The following PCDHGB7 variants were observed in gnomAD, a reference collection of about 807,000 sequenced individuals.
PCDHGB7 encodes the protein protocadherin gamma-B7.
Under a neutral mutation model 61.4 loss-of-function variants are expected in PCDHGB7, and 37 were observed. The ratio of observed to expected loss-of-function variants is 0.60; its 90% CI spans 0.46 to 0.79. The LOEUF (loss-of-function observed/expected upper bound fraction) is 0.79, where lower values mean the gene tolerates loss of function less well. Among genes scored for constraint, PCDHGB7 ranks in the 30% least tolerant of loss-of-function variants. The probability of loss-of-function intolerance (pLI) is 0.00; values close to 1 mark genes in which losing one functional copy is unlikely to be tolerated. For synonymous variants in PCDHGB7, 464 were observed against 503.5 expected, an observed-to-expected ratio of 0.92 and a Z score of 1.05; for missense variants, 1,166 against 1,202.5, an observed-to-expected ratio of 0.97 and a Z score of 0.45.
Position 141,431,919 on chromosome 5 carries a change from A to C in PCDHGB7, c.2415+11645A>C, listed in dbSNP as rs2097428718. The C allele has an allele frequency of 7.4e-6, 12 of 1,614,040 alleles. No individual in the cohort carries two copies. Among genetic ancestry groups the C allele is most frequent in the Non-Finnish European group, 1.0e-5 (12 of 1,179,980 alleles). On this transcript the variant is annotated intron_variant, in intron 1 of 3. Transcript: ENST00000398594. This position sits in a 1 kb window ranked among gnomAD's most constrained non-coding sequence, Gnocchi z 4.8. ...AACGGACAGGTGATCTGTTTCATCC[A>C]AGGAAATCTGCCCTTTAAATTAGAA... is the stretch of plus-strand genomic sequence containing the variant.
rs756294828 is a variant in PCDHGB7, at chr5:141,417,904, G to A, written c.45G>A (p.Gln15=). 2.5e-6 allele frequency: 4 copies of A among 1,591,934 alleles called. No homozygotes were observed. The South Asian group carries it at 3.4e-5, about 13-fold the overall frequency. The change falls in exon 1 of 4, where the codon CAG becomes CAA. Residue 15 remains glutamine (Q), a synonymous_variant. Transcript: ENST00000398594. ...CAQRRRAGPR[Q]VLFPLLLPLF... Reference sequence around the variant, plus strand: ...AGAGGCGCCGGGCCGGCCCGCGGCAGGTACTATTTCCTTTGCTGCTGCCTT... The same window carrying A: ...AGAGGCGCCGGGCCGGCCCGCGGCAAGTACTATTTCCTTTGCTGCTGCCTT...
intron 2 of PCDHGB7, among the ~76,000 whole-genome samples, chr5:141,496,116 C>G (rs1435887981): frequency 6.6e-6 from 1 of 152,178 alleles, no homozygotes; most frequent in Middle Eastern, 3.4e-3. Flanking sequence ...TCTCTTCCTT[C>G]CCTGCCCCTC....
At chr5:141,434,683 T>A (rs1057301534) in intron 1 of PCDHGB7, among the ~76,000 whole-genome samples, 8 of 152,248 alleles carry the variant, frequency 5.3e-5, no homozygotes, top group Non-Finnish European at 5.9e-5. Flanking sequence ...AATGACTGGC[T>A]TGCTGTTAAT....
chr5:141,425,844 G>C (rs985746948), intron 1 of PCDHGB7, among the ~76,000 whole-genome samples: 1 of 152,104 alleles, frequency 6.6e-6, no homozygotes, highest in Admixed American at 6.6e-5. Flanking sequence ...CTCTTTGCTG[G>C]GTTAATGACT....
At chr5:141,479,486 A>T (rs72790065) in intron 1 of PCDHGB7, 21,264 of 152,292 alleles carry the variant, frequency 0.14, 1,529 homozygotes, top group Admixed American at 0.16. Context: ...GGGCAGGACC[A>T]TCAGGTTGCC....
At chr5:141,500,453 C>G (rs1403599390) in intron 2 of PCDHGB7, among the ~76,000 whole-genome samples, 1 of 152,246 alleles carries the variant, frequency 6.6e-6, no homozygotes, top group African/African-American at 2.4e-5. Flanking sequence ...TCGTGATCCG[C>G]CCGCCTCGGC....
Position 141,424,165 on chromosome 5 carries a change from A to G in PCDHGB7, c.2415+3891A>G, listed in dbSNP as rs1328883463. 2.8e-5 allele frequency: 7 copies of G among 251,918 alleles called. No individual in the cohort carries two copies. The South Asian group carries it at 4.6e-4, about 17-fold the overall frequency. The allele number at this position is 251,918 out of a possible 1,614,324, so 15.6% of individuals were successfully genotyped here. On this transcript the variant is annotated intron_variant, in intron 1 of 3. Transcript: ENST00000398594. Reference sequence around the variant, plus strand: ...CTCCCTCTAGCTCTCCTTCTCATCTATCTATCTATACACATGCACACACAC... The same window carrying G: ...CTCCCTCTAGCTCTCCTTCTCATCTGTCTATCTATACACATGCACACACAC...
Position 141,476,757 on chromosome 5 carries a change from T to C in PCDHGB7, c.2416-18050T>C. On this transcript the variant is annotated intron_variant, in intron 1 of 3. Coordinates refer to ENST00000398594, the MANE Select transcript of PCDHGB7 (RefSeq NM_018927.4). This position sits in a 1 kb window ranked among gnomAD's most constrained non-coding sequence, Gnocchi z 7.6. ...CGGGAGCCTAGTCTCCAGTTAGTGC[T>C]GACGGCGTTGGACGGAGGGACCCCA... 1.2e-6 allele frequency: 2 copies of C among 1,613,906 alleles called. No individual in the cohort carries two copies. The highest frequency in any genetic ancestry group is 1.7e-6 in the Non-Finnish European group (2 of 1,180,004).
chr5:141,497,237 T>C (rs933112169), intron 2 of PCDHGB7, among the ~76,000 whole-genome samples: 3 of 152,038 alleles, frequency 2.0e-5, no homozygotes, highest in Non-Finnish European at 4.4e-5. Context: ...AGAAGGCTTC[T>C]AGGAGGAGGT....
rs972633773 is a variant in PCDHGB7, at chr5:141,489,751, A to T, written c.2416-5056A>T. ...GGGCACCAATACTGTGAGCTTTTAC[A>T]CTCTAAGCCCCAACAGCCACTTCTC... On this transcript the variant is annotated intron_variant, in intron 1 of 3. Coordinates refer to ENST00000398594, the MANE Select transcript of PCDHGB7 (RefSeq NM_018927.4). The surrounding 1 kb of genome is among the most constrained non-coding windows in gnomAD (Gnocchi z 4.5). The T allele has an allele frequency of 1.9e-6, 3 of 1,613,740 alleles. No individual in the cohort carries two copies. Among genetic ancestry groups the T allele is most frequent in the African/African-American group, 2.7e-5 (2 of 74,840 alleles).
intron 1 of PCDHGB7, chr5:141,427,833 G>T (rs1345567011): frequency 6.5e-7 from 1 of 1,540,964 alleles, no homozygotes; most frequent in Non-Finnish European, 8.9e-7. Flanking sequence ...CGCGCAGCGT[G>T]CCTTCGACCA....
In PCDHGB7 at chr5:141,466,692, A is replaced by G. The variant is rs185786515; in HGVS notation, c.2416-28115A>G. Among the ~76,000 whole-genome samples the G allele has an allele frequency of 3.0e-4, 46 of 152,280 alleles. 1 individual carries two copies. The highest frequency in any genetic ancestry group is 1.0e-3 in the African/African-American group (43 of 41,558). On this transcript the variant is annotated intron_variant, in intron 1 of 3. Coordinates refer to ENST00000398594, the MANE Select transcript of PCDHGB7 (RefSeq NM_018927.4). ...ACCGTTCTTCCACTCAAGCTTCATCATAAATTTGATGTCTGTTCTTGTTTC... is the reference window on the plus strand; with the variant it reads ...ACCGTTCTTCCACTCAAGCTTCATCGTAAATTTGATGTCTGTTCTTGTTTC...
chr5:141,433,174 G>A (rs1298757358), intron 1 of PCDHGB7: 1 of 1,610,308 alleles, frequency 6.2e-7, no homozygotes, highest in Non-Finnish European at 8.5e-7. Context: ...ACAGTCATGG[G>A]TTAATTGAGG....
chr5:141,420,252 C>G lies in PCDHGB7; in HGVS notation c.2393C>G (p.Ala798Gly), dbSNP rs745697672. ...LASILTPSVEADKKILKQQAP... is the reference protein window; with the variant it reads ...LASILTPSVEGDKKILKQQAP... Reference sequence around the variant, plus strand: ...AGCATTTTAACTCCCAGCGTTGAAGCAGATAAGAAGATTCTTAAACAGGTA... The same window carrying G: ...AGCATTTTAACTCCCAGCGTTGAAGGAGATAAGAAGATTCTTAAACAGGTA... Residue 798 changes from alanine to glycine, a missense_variant, in exon 1 of 4, where the codon GCA becomes GGA. Coordinates refer to ENST00000398594, the MANE Select transcript of PCDHGB7 (RefSeq NM_018927.4). 2 of 1,576,604 alleles carry G rather than the reference C, an allele frequency of 1.3e-6. No individual in the cohort carries two copies. Among genetic ancestry groups the G allele is most frequent in the Non-Finnish European group, 1.7e-6 (2 of 1,158,722 alleles).
intron 1 of PCDHGB7, chr5:141,427,495 C>T: frequency 1.8e-6 from 1 of 562,648 alleles, no homozygotes; most frequent in South Asian, 1.5e-5. Flanking sequence ...AAGCTTGTAA[C>T]AGATGGGACC....
intron 1 of PCDHGB7, chr5:141,426,945 A>G: frequency 8.8e-6 from 4 of 456,724 alleles, no homozygotes; most frequent in Non-Finnish European, 1.8e-5. Context: ...CCCAGTCCCA[A>G]CTGGCACTGC....
At chr5:141,452,881 T>A (rs1273440996) in intron 1 of PCDHGB7, among the ~76,000 whole-genome samples, 1 of 152,166 alleles carries the variant, frequency 6.6e-6, no homozygotes, top group African/African-American at 2.4e-5. Context: ...TTTGTAATAA[T>A]TTATTCCACT....
chr5:141,465,505 G>C (rs905617997), intron 1 of PCDHGB7, among the ~76,000 whole-genome samples: 1 of 152,190 alleles, frequency 6.6e-6, no homozygotes, highest in Non-Finnish European at 1.5e-5. Context: ...CATTGTCGTG[G>C]TCAGGAAGGA....
chr5:141,439,162 C>T (rs1422780686), intron 1 of PCDHGB7, among the ~76,000 whole-genome samples: 1 of 149,498 alleles, frequency 6.7e-6, no homozygotes, highest in Non-Finnish European at 1.5e-5. Flanking sequence ...CACTGCACTC[C>T]AGCCTGGGCG....
Sources: allele counts gnomAD v4.1 joint callset (sites outside exome capture counted in the v4.1 genomes callset), GRCh38; gene constraint gnomAD v4.1.1; non-coding constraint Gnocchi (gnomAD v3.1); transcripts MANE v1.5; gene names NCBI Gene and HGNC (gene_info 2026-07-23, HGNC 2026-07-21).